OSBPL9: variants seen among roughly 807,000 people sequenced by gnomAD.
OSBPL9 encodes the protein oxysterol-binding protein-related protein 9.
Under a neutral mutation model 106.6 loss-of-function variants are expected in OSBPL9, and 40 were observed. The ratio of observed to expected loss-of-function variants is 0.38; its 90% confidence interval spans 0.29 to 0.49. OSBPL9 has a LOEUF of 0.49. Ranked by LOEUF, OSBPL9 falls within the 20% of genes least tolerant of loss-of-function variation. The pLI is 0.97. For missense variants in OSBPL9, 609 were observed against 887.2 expected, an observed-to-expected ratio of 0.69 and a Z score of 3.98; for synonymous variants, 269 against 295.4, an observed-to-expected ratio of 0.91 and a Z score of 0.92.
intron 16 of OSBPL9, 123 bp downstream of exon 16, chr1:51,781,458 T>C: frequency 1.0e-6 from 1 of 987,594 alleles, no homozygotes; most frequent in African/African-American, 1.6e-5. Context: ...TAGAAGAAAT[T>C]GTTGTTAGAG....
At chr1:51,749,080 T>C (rs555553523) in intron 7 of OSBPL9, among the ~76,000 whole-genome samples, 104 of 151,040 alleles carry the variant, frequency 6.9e-4, no homozygotes, top group Admixed American at 3.1e-3. Flanking sequence ...AGCGAAACTG[T>C]GTCTCAAAAA....
intron 2 of OSBPL9, among the ~76,000 whole-genome samples, chr1:51,604,900 C>T (rs540076277): frequency 3.5e-4 from 54 of 152,254 alleles, no homozygotes; most frequent in African/African-American, 1.3e-3. Context: ...GATCCACCCG[C>T]CTCAGCCTCC....
intron 3 of OSBPL9, among the ~76,000 whole-genome samples, chr1:51,683,082 G>T (rs1652943367): frequency 6.6e-6 from 1 of 151,946 alleles, no homozygotes; most frequent in South Asian, 2.1e-4. Flanking sequence ...TTGCCACGTT[G>T]GCCAGGCTGG....
At chr1:51,695,988 T>C (rs557621625) in intron 3 of OSBPL9, among the ~76,000 whole-genome samples, 1 of 151,858 alleles carries the variant, frequency 6.6e-6, no homozygotes, top group Admixed American at 6.6e-5. Flanking sequence ...CATGGAAGAG[T>C]ATGTGGGAAA....
chr1:51,745,695 A>C, intron 5 of OSBPL9, 64 bp downstream of exon 5: 1 of 1,409,184 alleles, frequency 7.1e-7, no homozygotes, highest in South Asian at 1.7e-5. Flanking sequence ...TTGATTTTTG[A>C]GTAAAAACAG....
At chr1:51,640,906 CCT>C (rs999248014) in intron 1 of OSBPL9, among the ~76,000 whole-genome samples, 1 of 151,674 alleles carries the variant, frequency 6.6e-6, no homozygotes, top group African/African-American at 2.4e-5. Flanking sequence ...ACCGCAGCCC[CCT>C]GAGTACCTAG....
At chr1:51,701,214 A>G (rs1657161172) in intron 3 of OSBPL9, among the ~76,000 whole-genome samples, 1 of 152,220 alleles carries the variant, frequency 6.6e-6, no homozygotes, top group Admixed American at 6.5e-5. Context: ...TGATGGGATT[A>G]CAGGCGTGAG....
chr1:51,546,329 T>C, the OSBPL9 span, among the ~76,000 whole-genome samples: 5 of 152,080 alleles, frequency 3.3e-5, no homozygotes, highest in East Asian at 9.7e-4. Flanking sequence ...AAGACAAAAA[T>C]ATTGATGAAT....
intron 3 of OSBPL9, among the ~76,000 whole-genome samples, chr1:51,701,097 G>A (rs1657132478): frequency 1.3e-5 from 2 of 152,054 alleles, no homozygotes; most frequent in South Asian, 2.1e-4. Flanking sequence ...CCACCACCAC[G>A]CCTGACTAAT....
intron 3 of OSBPL9, among the ~76,000 whole-genome samples, chr1:51,670,070 C>T (rs1007486514): frequency 6.6e-6 from 1 of 152,182 alleles, no homozygotes; most frequent in Non-Finnish European, 1.5e-5. Context: ...TAAATGCCAT[C>T]TGCCACTGCT....
At chr1:51,770,371 C>T (rs1451638267) in intron 12 of OSBPL9, among the ~76,000 whole-genome samples, 1 of 151,928 alleles carries the variant, frequency 6.6e-6, no homozygotes, top group African/African-American at 2.4e-5. Flanking sequence ...TTGAACTCCT[C>T]ACCTCAAGTG....
intron 17 of OSBPL9, among the ~76,000 whole-genome samples, chr1:51,782,905 A>G (rs1464635832): frequency 2.0e-5 from 3 of 152,180 alleles, no homozygotes; most frequent in South Asian, 2.1e-4. Flanking sequence ...GTCATCTTAT[A>G]TATAGTAATT....
chr1:51,717,925 C>G (rs1226607430), intron 4 of OSBPL9, among the ~76,000 whole-genome samples: 1 of 152,188 alleles, frequency 6.6e-6, no homozygotes, highest in African/African-American at 2.4e-5. Flanking sequence ...TTTATTGCAG[C>G]ACTATTCACA....
chr1:51,770,131 C>G (rs1202429244), intron 12 of OSBPL9, among the ~76,000 whole-genome samples: 2 of 148,736 alleles, frequency 1.3e-5, no homozygotes, highest in East Asian at 2.0e-4. Context: ...CCACCATGCC[C>G]AGCTAATTTT....
chr1:51,546,777 GTAAA>G, the OSBPL9 span, among the ~76,000 whole-genome samples: 1 of 151,540 alleles, frequency 6.6e-6, no homozygotes, highest in Middle Eastern at 3.5e-3. Flanking sequence ...CACAAAACTG[GTAAA>G]TAAATAAGAG....
rs573087959 is a variant in OSBPL9 at position 51,766,704 on chromosome 1, A to G, written c.938+723A>G. Among the ~76,000 whole-genome samples, 6 of 151,618 alleles carry G rather than the reference A, an allele frequency of 4.0e-5. No individual in the cohort carries two copies. The South Asian group carries it at 1.0e-3, about 26-fold the overall frequency. On this transcript the variant is annotated intron_variant, in intron 12 of 23. Coordinates refer to ENST00000428468, the MANE Select transcript of OSBPL9 (RefSeq NM_024586.6). Reference sequence around the variant, plus strand: ...AAGAAAAGCTTTTTATTGCAAGTCTACTTACAGGGAAATGGAAGTCCACCT... The same window carrying G: ...AAGAAAAGCTTTTTATTGCAAGTCTGCTTACAGGGAAATGGAAGTCCACCT...
chr1:51,577,442 T>A (rs763598710), intron 1 of OSBPL9, among the ~76,000 whole-genome samples: 13 of 151,572 alleles, frequency 8.6e-5, no homozygotes, highest in Non-Finnish European at 1.8e-4. Context: ...CCCGGCTAAT[T>A]CTTTGTATTT....
At chr1:51,655,024 T>C (rs1366760211) in intron 2 of OSBPL9, among the ~76,000 whole-genome samples, 3 of 152,194 alleles carry the variant, frequency 2.0e-5, no homozygotes, top group Non-Finnish European at 4.4e-5. Context: ...TCATGAACAA[T>C]GTGAATGTCC....
intron 2 of OSBPL9, among the ~76,000 whole-genome samples, chr1:51,659,340 G>T (rs767089213): frequency 1.2e-4 from 19 of 152,056 alleles, no homozygotes; most frequent in Non-Finnish European, 2.2e-4. Context: ...AAGTAGAAAT[G>T]ATAATAGAAA....
Sources: allele counts gnomAD v4.1 joint callset (sites outside exome capture counted in the v4.1 genomes callset), GRCh38; gene constraint gnomAD v4.1.1; transcripts MANE v1.5; gene names NCBI Gene and HGNC (gene_info 2026-07-23, HGNC 2026-07-21).